The following PAK4 variants were observed in gnomAD, a reference collection of about 807,000 sequenced individuals.
The protein encoded by PAK4 is serine/threonine-protein kinase PAK 4.
A neutral mutation model predicts 53.5 loss-of-function variants in PAK4; 49 were observed. The ratio of observed to expected loss-of-function variants is 0.92; its 90% CI spans 0.73 to 1.16. The LOEUF (loss-of-function observed/expected upper bound fraction) is 1.16. Ranked by LOEUF, PAK4 falls within the 50% of genes most tolerant of loss-of-function variation. The pLI, the probability that PAK4 is intolerant of heterozygous loss-of-function variation, is 0.00. For missense variants in PAK4, 824 were observed against 850.7 expected (o/e 0.97, Z 0.39); for synonymous variants, 376 against 375.6 (o/e 1.00, Z -0.01).
intron 4 of PAK4, among the ~76,000 whole-genome samples, chr19:39,174,317 G>C (rs1304213187): frequency 1.3e-5 from 2 of 151,740 alleles, no homozygotes; most frequent in Non-Finnish European, 2.9e-5. Context: ...CCAGGGTACA[G>C]TGTCCTCCAG....
chr19:39,173,442 C>T lies in PAK4; in HGVS notation c.663+66C>T. On this transcript the variant is annotated intron_variant, in intron 3 of 8. Coordinates refer to ENST00000358301, the Ensembl canonical transcript of PAK4. This position sits in a 1 kb window ranked among gnomAD's most constrained non-coding sequence, Gnocchi z 6.9. ...CCGTTGCTCCTCTGTCCCCACCTTC[C>T]AGCCCCGCCCCACCACCGTGCATCT... The T allele has an allele frequency of 7.3e-7, 1 of 1,379,230 alleles. No individual in the cohort carries two copies. Among genetic ancestry groups the T allele is most frequent in the Non-Finnish European group, 9.7e-7 (1 of 1,026,738 alleles). 85.4% of individuals were successfully genotyped at this position (1,379,230 alleles called of 1,614,324 possible). A position where few individuals can be genotyped will look rare whatever the true frequency, so the allele number is the denominator to read the frequency against.
intron 1 of PAK4, among the ~76,000 whole-genome samples, chr19:39,166,488 G>A (rs773498372): frequency 2.0e-5 from 3 of 152,202 alleles, no homozygotes; most frequent in South Asian, 2.1e-4. Context: ...TATTATCGCC[G>A]TCTTTGAACA....
chr19:39,182,164 C>A (rs1267022248), downstream of PAK4: 1 of 152,180 alleles, frequency 6.6e-6, no homozygotes, highest in East Asian at 1.9e-4. Flanking sequence ...CCGTCTTTTT[C>A]CTTCCTCCTG....
chr19:39,132,244 A>G (rs1361524683), intron 1 of PAK4, among the ~76,000 whole-genome samples: 2 of 152,148 alleles, frequency 1.3e-5, no homozygotes, highest in Non-Finnish European at 2.9e-5. Context: ...ATGTGCATGC[A>G]TTACCTATTC....
At chr19:39,160,598 G>A (rs1007323002) in intron 1 of PAK4, among the ~76,000 whole-genome samples, 3 of 152,328 alleles carry the variant, frequency 2.0e-5, no homozygotes, top group African/African-American at 4.8e-5. Flanking sequence ...GCAGAGGCCC[G>A]GAGGCTGGAA....
chr19:39,153,616 A>G (rs1041244405), intron 1 of PAK4, among the ~76,000 whole-genome samples: 1 of 152,028 alleles, frequency 6.6e-6, no homozygotes, highest in Admixed American at 6.6e-5. Flanking sequence ...CAATTTTTAT[A>G]TTTTTAGTAG....
chr19:39,164,531 G>A (rs2074338137), intron 1 of PAK4, among the ~76,000 whole-genome samples: 1 of 152,182 alleles, frequency 6.6e-6, no homozygotes, highest in South Asian at 2.1e-4. Flanking sequence ...ACAGCAGGGG[G>A]ACCTGTGTGG....
At chr19:39,165,195 G>GATGATAATAATAATA (rs1364745681) in intron 1 of PAK4, among the ~76,000 whole-genome samples, 14 of 128,434 alleles carry the variant, frequency 1.1e-4, no homozygotes, top group African/African-American at 3.8e-4. Flanking sequence ...TGATGATGAT[G>GATGATAATAATAATA]ATAATAATAA....
At chr19:39,131,573 G>A (rs542065572) in intron 1 of PAK4, among the ~76,000 whole-genome samples, 4 of 152,304 alleles carry the variant, frequency 2.6e-5, no homozygotes, top group East Asian at 3.9e-4. Flanking sequence ...TCTGCCAGAC[G>A]CCTTGGCCCA....
intron 1 of PAK4, among the ~76,000 whole-genome samples, chr19:39,137,119 C>G (rs1335364210): frequency 6.6e-6 from 1 of 152,186 alleles, no homozygotes; most frequent in East Asian, 1.9e-4. Flanking sequence ...TCCTAACACA[C>G]TTATCCTGGT....
Position 39,175,185 on chromosome 19 carries a change from C to T in PAK4, c.1232+121C>T. 6.7e-7 allele frequency: 1 copy of T among 1,482,104 alleles called. No individual in the cohort carries two copies. The highest frequency in any genetic ancestry group is 9.2e-7 in the Non-Finnish European group (1 of 1,089,410). The allele number at this position is 1,482,104 out of a possible 1,614,324, so 91.8% of individuals were successfully genotyped here. A position where few individuals can be genotyped will look rare whatever the true frequency, so the allele number is the denominator to read the frequency against. On this transcript the variant is annotated intron_variant, in intron 5 of 8. Transcript: ENST00000358301. The surrounding 1 kb of genome is among the most constrained non-coding windows in gnomAD (Gnocchi z 4.7). Reference sequence around the variant, plus strand: ...GCCCCTGGGATGGGGTCGTGTCTTCCATTCCTCCCACTCCAGAGTGGGGTC... The same window carrying T: ...GCCCCTGGGATGGGGTCGTGTCTTCTATTCCTCCCACTCCAGAGTGGGGTC...
intron 1 of PAK4, among the ~76,000 whole-genome samples, chr19:39,144,979 T>C (rs566204246): frequency 7.9e-5 from 12 of 152,136 alleles, no homozygotes; most frequent in Non-Finnish European, 1.3e-4. Context: ...TGAATAATTA[T>C]AAAGCAAACA....
chr19:39,145,449 C>T (rs2073983868), intron 1 of PAK4, among the ~76,000 whole-genome samples: 1 of 152,082 alleles, frequency 6.6e-6, no homozygotes, highest in African/African-American at 2.4e-5. Context: ...GGTCAGGGCA[C>T]CCCTACCCCT....
exon 2 of PAK4, chr19:39,169,574 G>A (rs761505389): frequency 1.9e-6 from 3 of 1,613,512 alleles, no homozygotes; most frequent in Non-Finnish European, 2.5e-6. Flanking sequence ...AGAGGAAGAA[G>A]CGGGTGGAGA....
At chr19:39,171,977 G>A (rs1235881008) in intron 2 of PAK4, among the ~76,000 whole-genome samples, 4 of 152,248 alleles carry the variant, frequency 2.6e-5, no homozygotes, top group Non-Finnish European at 5.9e-5. Flanking sequence ...AGGCAGAGCC[G>A]GGAGCAGACA....
intron 1 of PAK4, among the ~76,000 whole-genome samples, chr19:39,131,004 G>A (rs1325259901): frequency 6.6e-6 from 1 of 151,948 alleles, no homozygotes; most frequent in African/African-American, 2.4e-5. Context: ...GGTCATCAGC[G>A]CTTTACCCCT....
intron 1 of PAK4, among the ~76,000 whole-genome samples, chr19:39,162,611 C>T (rs1351653697): frequency 6.6e-6 from 1 of 152,100 alleles, no homozygotes; most frequent in South Asian, 2.1e-4. Flanking sequence ...CCCCTCAGCT[C>T]CTTTCTGATT....
At chr19:39,145,061 C>T (rs1332110065) in intron 1 of PAK4, among the ~76,000 whole-genome samples, 1 of 152,126 alleles carries the variant, frequency 6.6e-6, no homozygotes, top group Non-Finnish European at 1.5e-5. Context: ...CTTCACCTGC[C>T]CTTCCCAGTG....
intron 1 of PAK4, among the ~76,000 whole-genome samples, chr19:39,127,468 C>T (rs552796512): frequency 2.6e-4 from 39 of 152,230 alleles, no homozygotes; most frequent in Non-Finnish European, 5.3e-4. Context: ...CTGACCAGCC[C>T]TTACCTCCCT....
Sources: allele counts gnomAD v4.1 joint callset (sites outside exome capture counted in the v4.1 genomes callset), GRCh38; gene constraint gnomAD v4.1.1; non-coding constraint Gnocchi (gnomAD v3.1); transcripts MANE v1.5; gene names NCBI Gene and HGNC (gene_info 2026-07-23, HGNC 2026-07-21).